ADAMTSL1: variants seen among roughly 807,000 people sequenced by gnomAD.
The protein encoded by ADAMTSL1 is ADAMTS like 1.
In ADAMTSL1, 126 loss-of-function variants were observed where a neutral mutation model predicts 201.8. That is an observed-to-expected ratio of 0.62 (90% CI 0.54 to 0.72). ADAMTSL1 has a LOEUF of 0.72. Among genes scored for constraint, ADAMTSL1 ranks in the 30% least tolerant of loss-of-function variants. The probability of loss-of-function intolerance (pLI) is 0.00; values close to 1 mark genes in which losing one functional copy is unlikely to be tolerated. For synonymous variants in ADAMTSL1, 1,121 were observed against 903.4 expected (o/e 1.24, Z -4.32); for missense variants, 2,679 against 2,277.8 (o/e 1.18, Z -3.59).
chr9:18,149,677 T>C (rs1442454963), intron 1 of ADAMTSL1, among the ~76,000 whole-genome samples: 2 of 152,034 alleles, frequency 1.3e-5, no homozygotes, highest in Non-Finnish European at 2.9e-5. Flanking sequence ...AGTTGACACA[T>C]GTCACGCCAG....
chr9:18,426,273 T>C (rs866870369), intron 2 of ADAMTSL1, among the ~76,000 whole-genome samples: 2 of 152,122 alleles, frequency 1.3e-5, no homozygotes, highest in South Asian at 2.1e-4. Flanking sequence ...ACCCAAGTCA[T>C]AGAGGGCTGG....
chr9:18,856,642 G>C (rs1342613902), intron 23 of ADAMTSL1, among the ~76,000 whole-genome samples: 1 of 151,788 alleles, frequency 6.6e-6, no homozygotes, highest in Non-Finnish European at 1.5e-5. Context: ...ATTTTTAGTA[G>C]ACACAGGGTT....
chr9:18,095,373 T>C (rs966478882), intron 1 of ADAMTSL1, among the ~76,000 whole-genome samples: 2 of 151,904 alleles, frequency 1.3e-5, no homozygotes, highest in African/African-American at 4.8e-5. Flanking sequence ...ACTCATCAAT[T>C]TGACACGTTT....
chr9:18,043,474 A>G (rs890814811), intron 1 of ADAMTSL1, among the ~76,000 whole-genome samples: 3 of 152,128 alleles, frequency 2.0e-5, no homozygotes, highest in African/African-American at 4.8e-5. Flanking sequence ...GCAAAAGATG[A>G]TATTAGCTTG....
chr9:18,592,464 A>G (rs1389543098), intron 4 of ADAMTSL1, among the ~76,000 whole-genome samples: 1 of 152,092 alleles, frequency 6.6e-6, no homozygotes, highest in Non-Finnish European at 1.5e-5. Context: ...CCATTGAGTT[A>G]TTTTGCAACT....
intron 2 of ADAMTSL1, among the ~76,000 whole-genome samples, chr9:18,338,162 G>A (rs1194275210): frequency 1.3e-5 from 2 of 151,994 alleles, no homozygotes; most frequent in African/African-American, 4.8e-5. Context: ...TGCTCTTCCT[G>A]GGTTCCATAG....
intron 9 of ADAMTSL1, among the ~76,000 whole-genome samples, chr9:18,670,522 C>T (rs1287121181): frequency 6.6e-6 from 1 of 152,196 alleles, no homozygotes; most frequent in Admixed American, 6.5e-5. Context: ...GATGGCAGGG[C>T]CAGCAAAAGG....
chr9:18,528,869 C>T (rs1353654149), intron 2 of ADAMTSL1, among the ~76,000 whole-genome samples: 4 of 152,016 alleles, frequency 2.6e-5, no homozygotes, highest in Non-Finnish European at 5.9e-5. Context: ...TTTTCTCAGA[C>T]GTCATTTTGG....
At chr9:17,983,918 C>T (rs916206691) in intron 1 of ADAMTSL1, among the ~76,000 whole-genome samples, 3 of 151,940 alleles carry the variant, frequency 2.0e-5, no homozygotes, top group African/African-American at 7.3e-5. Context: ...TAATCAAATC[C>T]TCCCTTGAAG....
At chr9:18,074,438 T>G (rs1268471347) in intron 1 of ADAMTSL1, among the ~76,000 whole-genome samples, 2 of 152,128 alleles carry the variant, frequency 1.3e-5, no homozygotes, top group Non-Finnish European at 1.5e-5. Flanking sequence ...GGCCCTTTTT[T>G]GTTTGGCAGA....
At chr9:18,773,818 T>C (rs751414440) in intron 17 of ADAMTSL1, among the ~76,000 whole-genome samples, 11 of 152,240 alleles carry the variant, frequency 7.2e-5, no homozygotes, top group African/African-American at 2.7e-4. Context: ...CCATGCTCTT[T>C]TAAATTTTCA....
intron 1 of ADAMTSL1, among the ~76,000 whole-genome samples, chr9:17,972,741 T>C (rs979645992): frequency 6.7e-6 from 1 of 149,880 alleles, no homozygotes; most frequent in Non-Finnish European, 1.5e-5. Flanking sequence ...ATTGCCACAC[T>C]GACTTCCACA....
At chr9:18,111,405 C>T (rs1825000133) in intron 1 of ADAMTSL1, among the ~76,000 whole-genome samples, 1 of 152,180 alleles carries the variant, frequency 6.6e-6, no homozygotes, top group African/African-American at 2.4e-5. Context: ...CCATGTGCTT[C>T]TCATTTATTT....
chr9:18,031,147 A>G (rs917627645), intron 1 of ADAMTSL1, among the ~76,000 whole-genome samples: 1 of 152,054 alleles, frequency 6.6e-6, no homozygotes, highest in African/African-American at 2.4e-5. Context: ...TTTGAATTCT[A>G]TGTCTATGCT....
At chr9:18,684,890 T>C in intron 13 of ADAMTSL1, 90 bp downstream of exon 13, 1 of 1,485,472 alleles carries the variant, frequency 6.7e-7, no homozygotes, top group Non-Finnish European at 9.0e-7. Context: ...TCATGGGTTC[T>C]GAACTAAGTG....
chr9:18,756,076 A>AATATATATATATATATATGTAT (rs1819729219), intron 16 of ADAMTSL1, among the ~76,000 whole-genome samples: 2 of 80,700 alleles, frequency 2.5e-5, no homozygotes, highest in African/African-American at 4.3e-5. Flanking sequence ...CTCTACTGAA[A>AATATATATATATATATATGTAT]ATATATATAT....
At chr9:17,928,232 C>G (rs1476039372) in intron 1 of ADAMTSL1, among the ~76,000 whole-genome samples, 1 of 152,090 alleles carries the variant, frequency 6.6e-6, no homozygotes, top group East Asian at 1.9e-4. Flanking sequence ...CTCCCTGCTT[C>G]AAGCGATCTA....
chr9:18,022,932 C>T (rs1820538673), intron 1 of ADAMTSL1, among the ~76,000 whole-genome samples: 1 of 152,058 alleles, frequency 6.6e-6, no homozygotes, highest in African/African-American at 2.4e-5. Context: ...CACTGGCCTC[C>T]CATCCTTCTC....
At chr9:18,300,393 T>C (rs1356753965) in intron 2 of ADAMTSL1, among the ~76,000 whole-genome samples, 2 of 145,526 alleles carry the variant, frequency 1.4e-5, no homozygotes, top group African/African-American at 5.2e-5. Flanking sequence ...TCCTCACTCA[T>C]AGGTGGGAAT....
Sources: gnomAD v4.1 joint callset for allele counts (sites outside exome capture counted in the v4.1 genomes callset) on GRCh38, gnomAD v4.1.1 for gene constraint, MANE v1.5 for transcripts, NCBI Gene and HGNC (gene_info 2026-07-23, HGNC 2026-07-21) for gene names.